AMBP: variants seen among roughly 807,000 people sequenced by gnomAD.
AMBP encodes the protein protein AMBP.
In AMBP, 37 loss-of-function variants were observed where a neutral mutation model predicts 46.3. That is an observed-to-expected ratio of 0.80 (90% confidence interval 0.61 to 1.05). AMBP has a LOEUF of 1.05. AMBP is among the 50% of genes least tolerant of loss of function. The pLI is 0.00. For missense variants in AMBP, 475 were observed against 461.2 expected (o/e 1.03, Z -0.27); for synonymous variants, 174 against 175.9 (o/e 0.99, Z 0.09).
At chr9:114,068,154 T>C (rs1564371765) in intron 6 of AMBP, among the ~76,000 whole-genome samples, 1 of 152,196 alleles carries the variant, frequency 6.6e-6, no homozygotes, top group African/African-American at 2.4e-5. Flanking sequence ...ACGGAGATAA[T>C]AAATATACTC....
Position 114,076,696 on chromosome 9 carries a change from G to A in AMBP, c.162C>T (p.Pro54=). The change falls in exon 2 of 10, where the codon CCC becomes CCT. Residue 54 remains proline (P), a synonymous_variant. Transcript: ENST00000265132. ...WYNLAIGSTC[P]WLKKIMDRMT... is the part of the protein sequence containing the mutation. The stretch of plus-strand genomic sequence containing the variant: ...TCCTGTCCATGATCTTCTTCAGCCA[G>A]GGGCAGGTGGAACCGATGGCCAGGT... 1 of 1,614,022 alleles carries A rather than the reference G, an allele frequency of 6.2e-7. No individual in the cohort carries two copies. Among genetic ancestry groups the A allele is most frequent in the African/African-American group, 1.3e-5 (1 of 75,014 alleles).
chr9:114,063,976 A>C (rs1247042065), intron 6 of AMBP, among the ~76,000 whole-genome samples: 2 of 152,210 alleles, frequency 1.3e-5, no homozygotes, highest in Non-Finnish European at 2.9e-5. Context: ...AATCAGGCAA[A>C]ATTAGGGAAG....
intron 9 of AMBP, 50 bp downstream of exon 9, chr9:114,060,875 C>T (rs553691143): frequency 1.0e-5 from 16 of 1,578,960 alleles, no homozygotes; most frequent in South Asian, 8.2e-5. Context: ...TCTCCCACCT[C>T]GACTCCAACA....
Position 114,076,593 on chromosome 9 carries a change from C to G in AMBP, c.260+5G>C. 4 of 1,613,090 alleles carry G rather than the reference C, an allele frequency of 2.5e-6. No homozygotes were observed. The highest frequency in any genetic ancestry group is 3.4e-6 in the Non-Finnish European group (4 of 1,179,786). Reference sequence around the variant, plus strand: ...TCAGCTTTCCAGCCCCACCCTAGTGCTCACCGCCAACGAGTGCTGGTCATG... The same window carrying G: ...TCAGCTTTCCAGCCCCACCCTAGTGGTCACCGCCAACGAGTGCTGGTCATG... On this transcript the variant is annotated splice_donor_5th_base_variant and intron_variant, in intron 2 of 9. Transcript: ENST00000265132.
intron 6 of AMBP, among the ~76,000 whole-genome samples, chr9:114,068,451 C>G (rs1035898170): frequency 6.6e-6 from 1 of 151,454 alleles, no homozygotes; most frequent in Admixed American, 6.6e-5. Flanking sequence ...AAAAAAAATA[C>G]AAAAATTAGC....
chr9:114,061,418 A>T lies in AMBP; in HGVS notation c.853+6T>A, dbSNP rs779745990. ...AGAGCGCACAGGGGTGGGGACCCGC[A>T]CTCACCCACAGTTCGGCAGGTCTGC... On this transcript the variant is annotated splice_donor_region_variant and intron_variant, in intron 8 of 9. Transcript: ENST00000265132. 6.7e-5 allele frequency: 108 copies of T among 1,613,702 alleles called. No homozygotes were observed. Among genetic ancestry groups the T allele is most frequent in the Non-Finnish European group, 8.8e-5 (104 of 1,179,926 alleles).
chr9:114,073,347 C>T (rs866138599), intron 4 of AMBP, among the ~76,000 whole-genome samples: 3 of 151,964 alleles, frequency 2.0e-5, no homozygotes, highest in Admixed American at 6.6e-5. Flanking sequence ...CCCGGGTTCC[C>T]GCCATTCTCC....
At position 114,069,683 on chromosome 9, in the gene AMBP, G is replaced by T. The variant is rs1846724398; in HGVS notation, c.603+16C>A. ...GTGGGATGGGGTGGGATGGGGTCGGGGGATGAGGCACTCACCGGGATTAAG... is the reference window on the plus strand; with the variant it reads ...GTGGGATGGGGTGGGATGGGGTCGGTGGATGAGGCACTCACCGGGATTAAG... On this transcript the variant is annotated intron_variant, in intron 6 of 9. Coordinates refer to ENST00000265132, the MANE Select transcript of AMBP (RefSeq NM_001633.4). 6.2e-7 allele frequency: 1 copy of T among 1,610,168 alleles called. No individual in the cohort carries two copies. The highest frequency in any genetic ancestry group is 8.5e-7 in the Non-Finnish European group (1 of 1,178,964).
At position 114,078,249 on chromosome 9, in the gene AMBP, G is replaced by A. The variant is rs745832219; in HGVS notation, c.-40C>T. ...CTGCCTTGGTATATCCCACAGGCTC[G>A]GTCTAGCAACAGAAGGGCCACCGCC... is the stretch of plus-strand genomic sequence containing the variant. On this transcript the variant is annotated 5_prime_UTR_variant, in exon 1 of 10. Coordinates refer to ENST00000265132, the MANE Select transcript of AMBP (RefSeq NM_001633.4). 1.8e-5 allele frequency: 29 copies of A among 1,584,352 alleles called. No individual in the cohort carries two copies. Among genetic ancestry groups the A allele is most frequent in the Middle Eastern group, 3.3e-4 (2 of 5,980 alleles).
chr9:114,069,901 C>T (rs1445899470), intron 5 of AMBP, 156 bp from the exon 6 acceptor site: 3 of 692,576 alleles, frequency 4.3e-6, no homozygotes, highest in Non-Finnish European at 7.4e-6. Flanking sequence ...TGCTCAAGGC[C>T]ATTCACTGGA....
intron 5 of AMBP, among the ~76,000 whole-genome samples, 158 bp downstream of exon 5, chr9:114,072,767 G>A (rs1380157964): frequency 1.3e-5 from 2 of 152,214 alleles, no homozygotes; most frequent in Non-Finnish European, 2.9e-5. Flanking sequence ...GTGAGACTTG[G>A]AGCAAATCCA....
intron 6 of AMBP, among the ~76,000 whole-genome samples, chr9:114,064,585 G>A (rs1846674645): frequency 6.6e-6 from 1 of 151,956 alleles, no homozygotes; most frequent in Non-Finnish European, 1.5e-5. Flanking sequence ...AAGAAATACA[G>A]ATTTAGTTGA....
intron 6 of AMBP, among the ~76,000 whole-genome samples, 166 bp from the exon 7 acceptor site, chr9:114,062,924 G>A (rs1351891550): frequency 6.6e-6 from 1 of 152,154 alleles, no homozygotes; most frequent in Non-Finnish European, 1.5e-5. Context: ...GTGTCAACCT[G>A]AATTCCTGAA....
intron 6 of AMBP, 92 bp downstream of exon 6, chr9:114,069,607 G>A: frequency 8.7e-7 from 1 of 1,148,894 alleles, no homozygotes; most frequent in Non-Finnish European, 1.2e-6. Flanking sequence ...CCATGACTCT[G>A]CCTCCCCCCG....
At chr9:114,072,784 T>C in intron 5 of AMBP, 141 bp downstream of exon 5, 1 of 670,580 alleles carries the variant, frequency 1.5e-6, no homozygotes, top group Admixed American at 3.0e-5. Flanking sequence ...TCCACTGGCT[T>C]CCTGATTCAC....
At chr9:114,070,806 G>T (rs2134852277) in intron 5 of AMBP, among the ~76,000 whole-genome samples, 1 of 152,296 alleles carries the variant, frequency 6.6e-6, no homozygotes, top group Admixed American at 6.5e-5. Context: ...GAAGCCACCA[G>T]GGGCCATGTC....
intron 6 of AMBP, among the ~76,000 whole-genome samples, chr9:114,066,886 A>C (rs1564371540): frequency 6.6e-6 from 1 of 152,238 alleles, no homozygotes; most frequent in Non-Finnish European, 1.5e-5. Flanking sequence ...CAAACACAGA[A>C]GAAATGTAAT....
At chr9:114,068,978 G>A (rs1389784602) in intron 6 of AMBP, among the ~76,000 whole-genome samples, 2 of 151,782 alleles carry the variant, frequency 1.3e-5, no homozygotes, top group South Asian at 2.1e-4. Flanking sequence ...TAGGAACAAG[G>A]ACATTTTGTC....
Position 114,060,986 on chromosome 9 carries a change from GC to G in AMBP, c.965del (p.Gly322AlafsTer61). On this transcript the variant is annotated frameshift_variant, in exon 9 of 10. Transcript: ENST00000265132. LOFTEE classifies it high-confidence loss of function. ...CVLFPYGGCQGNGNKFYSEKE... is the reference protein window; with the variant it reads ...CVLFPYGGCQXNGNKFYSEKE... ...TCTCTGAGTAGAACTTGTTCCCGTT[GC>G]CCTGGCAGCCCCCGTAGGGGAAGAG... 1 of 1,614,256 alleles carries G rather than the reference GC, an allele frequency of 6.2e-7. No homozygotes were observed. The highest frequency in any genetic ancestry group is 1.6e-4 in the Middle Eastern group (1 of 6,062).
Sources: gnomAD v4.1 joint callset for allele counts (sites outside exome capture counted in the v4.1 genomes callset) on GRCh38, gnomAD v4.1.1 for gene constraint, MANE v1.5 for transcripts, NCBI Gene and HGNC (gene_info 2026-07-23, HGNC 2026-07-21) for gene names.